The following VAV2 variants were observed in gnomAD, a reference collection of about 807,000 sequenced individuals.
VAV2 encodes the protein vav guanine nucleotide exchange factor 2.
A neutral mutation model predicts 132.5 loss-of-function variants in VAV2; 67 were observed. The observed-to-expected ratio is 0.51, with a 90% CI of 0.42 to 0.62. VAV2 has a LOEUF of 0.62. VAV2 is among the 20% of genes least tolerant of loss of function. VAV2 has a pLI of 0.00. For missense variants in VAV2, 938 were observed against 1,153.6 expected (o/e 0.81, Z 2.71); for synonymous variants, 492 against 443.5 (o/e 1.11, Z -1.37).
intron 2 of VAV2, among the ~76,000 whole-genome samples, chr9:133,921,633 T>C (rs1158724603): frequency 1.3e-5 from 2 of 152,198 alleles, no homozygotes; most frequent in African/African-American, 2.4e-5. Context: ...GATTAAACCA[T>C]GTCCCTCATA....
rs558840184 is a variant in VAV2, at chr9:133,795,716, C to T, written c.1053G>A (p.Ala351=). ...TGAGCTGCTGCCTCTCAGGCCGTTCCGCAGAATGGCTCAGAAGCTCCTGGA... is the reference window on the plus strand; with the variant it reads ...TGAGCTGCTGCCTCTCAGGCCGTTCTGCAGAATGGCTCAGAAGCTCCTGGA... ...LLLKELLSHS[A]ERPERQQLKE... Residue 351 remains alanine, a synonymous_variant, in exon 12 of 30, where the codon GCG becomes GCA. Transcript: ENST00000371850. 2.6e-4 allele frequency: 422 copies of T among 1,613,986 alleles called. No individual in the cohort carries two copies. The highest frequency in any genetic ancestry group is 3.3e-4 in the Non-Finnish European group (384 of 1,179,960).
chr9:133,818,957 C>G (rs1041704350), intron 4 of VAV2, among the ~76,000 whole-genome samples: 4 of 152,068 alleles, frequency 2.6e-5, no homozygotes, highest in African/African-American at 9.7e-5. Flanking sequence ...ATTGGCCAGG[C>G]TGGTCTCGAA....
At chr9:133,963,483 G>A (rs1328602583) in intron 1 of VAV2, among the ~76,000 whole-genome samples, 2 of 152,166 alleles carry the variant, frequency 1.3e-5, no homozygotes, top group Non-Finnish European at 2.9e-5. Flanking sequence ...ACTCCAAGTC[G>A]GCCAGCAGGG....
chr9:133,941,613 G>T (rs1224554358), intron 1 of VAV2, among the ~76,000 whole-genome samples: 1,536 of 15,802 alleles, frequency 0.097, 50 homozygotes, highest in African/African-American at 0.23. Context: ...TTTTTTGGGG[G>T]GGGGGGGGGA....
intron 4 of VAV2, among the ~76,000 whole-genome samples, chr9:133,816,236 A>T (rs1051405678): frequency 6.6e-6 from 1 of 152,160 alleles, no homozygotes; most frequent in Non-Finnish European, 1.5e-5. Flanking sequence ...TACTAGTCAG[A>T]TATGTTTTGT....
chr9:133,948,112 G>A (rs1336726032), intron 1 of VAV2, among the ~76,000 whole-genome samples: 4 of 152,196 alleles, frequency 2.6e-5, no homozygotes, highest in Admixed American at 6.5e-5. Flanking sequence ...CTTAAAGAGA[G>A]GCTGCAGTGC....
chr9:133,968,115 G>A (rs765664888), intron 1 of VAV2, among the ~76,000 whole-genome samples: 5 of 152,052 alleles, frequency 3.3e-5, no homozygotes, highest in South Asian at 2.1e-4. Flanking sequence ...AGACAGGAAC[G>A]AGTCCTAGTG....
chr9:133,874,692 A>G lies in VAV2; in HGVS notation c.322-13260T>C, dbSNP rs73662321. Among the ~76,000 whole-genome samples, 1,127 of 152,216 alleles carry G rather than the reference A, an allele frequency of 7.4e-3. 16 individuals are homozygous for G. Among genetic ancestry groups the G allele is most frequent in the African/African-American group, 0.025 (1,053 of 41,538 alleles). ...CTACACAGATGTCTTGCCCCCTCCA[A>G]GAACCTCCTGCGCTGCTTCTTCCTT... On this transcript the variant is annotated intron_variant, in intron 2 of 29. Transcript: ENST00000371850.
intron 1 of VAV2, among the ~76,000 whole-genome samples, chr9:133,959,034 C>A (rs941458646): frequency 1.8e-5 from 2 of 111,022 alleles, no homozygotes; most frequent in East Asian, 6.2e-4. Context: ...GGCCACTGCA[C>A]CGGCCACAGC....
rs1843052036 is a variant in VAV2, at chr9:133,992,280, G to C, written c.-2C>G. 4 of 1,541,844 alleles carry C rather than the reference G, an allele frequency of 2.6e-6. No individual in the cohort carries two copies. The highest frequency in any genetic ancestry group is 2.8e-5 in the African/African-American group (2 of 70,864). ...GCCGCACTGCCGCCACTGCTCCATGGCGCCCGCGGGCCCGACCGGCTCAGG... is the reference window on the plus strand; with the variant it reads ...GCCGCACTGCCGCCACTGCTCCATGCCGCCCGCGGGCCCGACCGGCTCAGG... On this transcript the variant is annotated 5_prime_UTR_variant, in exon 1 of 30. Coordinates refer to ENST00000371850, the MANE Select transcript of VAV2 (RefSeq NM_001134398.2). This position sits in a 1 kb window ranked among gnomAD's most constrained non-coding sequence, Gnocchi z 5.5.
Position 133,991,472 on chromosome 9 carries a change from G to A in VAV2, c.204+603C>T, listed in dbSNP as rs1458754602. ...AGTGGCCCTGGGGATCCTCGAGGCG[G>A]CTCGACCCGGGAGCCAGGACTGGCG... On this transcript the variant is annotated intron_variant, in intron 1 of 29. Transcript: ENST00000371850. The surrounding 1 kb of genome is among the most constrained non-coding windows in gnomAD (Gnocchi z 4.8). 2.0e-5 allele frequency among the ~76,000 whole-genome samples: 3 copies of A among 150,560 alleles called. No homozygotes were observed. Among genetic ancestry groups the A allele is most frequent in the Admixed American group, 6.6e-5 (1 of 15,224 alleles).
chr9:133,870,809 GTGGA>G (rs1163400782), intron 2 of VAV2, among the ~76,000 whole-genome samples: 1 of 146,198 alleles, frequency 6.8e-6, no homozygotes, highest in Admixed American at 6.8e-5. Context: ...GGGTGGGTGG[GTGGA>G]TGGATGGATA....
intron 2 of VAV2, chr9:133,927,945 G>A (rs1840537355): frequency 6.6e-6 from 1 of 152,110 alleles, no homozygotes; most frequent in Non-Finnish European, 1.5e-5. Flanking sequence ...TGGCGCGCCA[G>A]GCTCAGCCAC....
intron 2 of VAV2, among the ~76,000 whole-genome samples, chr9:133,903,678 C>A (rs548637599): frequency 1.3e-5 from 2 of 152,176 alleles, no homozygotes; most frequent in African/African-American, 2.4e-5. Context: ...CAAAGGTCTA[C>A]CCCTGCTCCT....
chr9:133,798,689 C>T lies in VAV2; in HGVS notation c.837-880G>A, dbSNP rs190268186. Among the ~76,000 whole-genome samples, 316 of 152,332 alleles carry T rather than the reference C, an allele frequency of 2.1e-3. 1 individual carries two copies. The highest frequency in any genetic ancestry group is 3.3e-3 in the Non-Finnish European group (227 of 68,026). ...CACCAGGTGACAATGTTGGTGACAA[C>T]AAGGATGACAAGAGCCACCACTCGC... On this transcript the variant is annotated intron_variant, in intron 9 of 29. Transcript: ENST00000371850.
At chr9:133,937,529 TGTGTGTGAGA>T (rs1327984439) in intron 2 of VAV2, among the ~76,000 whole-genome samples, 83 of 110,836 alleles carry the variant, frequency 7.5e-4, no homozygotes, top group South Asian at 5.5e-3. Context: ...CGTGTGAGAG[TGTGTGTGAGA>T]GTGTGTGTGT....
intron 3 of VAV2, among the ~76,000 whole-genome samples, chr9:133,847,657 C>T (rs566965624): frequency 7.5e-4 from 115 of 152,320 alleles, no homozygotes; most frequent in Non-Finnish European, 1.4e-3. Context: ...GATAAAGTTC[C>T]AGCCCCACGC....
In VAV2 at chr9:133,833,511, G is replaced by A. The variant is rs941428663; in HGVS notation, c.449+761C>T. 6.6e-5 allele frequency among the ~76,000 whole-genome samples: 10 copies of A among 152,144 alleles called. No homozygotes were observed. Among genetic ancestry groups the A allele is most frequent in the Non-Finnish European group, 1.5e-4 (10 of 68,014 alleles). ...AGGATGCCCGAAGGCACCATCTCCCGGTGGCCTGGGAGGGTGGTGGATGAG... is the reference window on the plus strand; with the variant it reads ...AGGATGCCCGAAGGCACCATCTCCCAGTGGCCTGGGAGGGTGGTGGATGAG... On this transcript the variant is annotated intron_variant, in intron 4 of 29. Transcript: ENST00000371850. This position sits in a 1 kb window ranked among gnomAD's most constrained non-coding sequence, Gnocchi z 5.6.
chr9:133,888,369 A>G (rs1426641261), intron 2 of VAV2, among the ~76,000 whole-genome samples: 1 of 125,316 alleles, frequency 8.0e-6, no homozygotes, highest in South Asian at 2.8e-4. Flanking sequence ...TGTTCTGTGT[A>G]TTTTACCACA....
Sources: allele counts gnomAD v4.1 joint callset (sites outside exome capture counted in the v4.1 genomes callset), GRCh38; gene constraint gnomAD v4.1.1; non-coding constraint Gnocchi (gnomAD v3.1); transcripts MANE v1.5; gene names NCBI Gene and HGNC (gene_info 2026-07-23, HGNC 2026-07-21).